The following MYO6 variants were observed in gnomAD, a reference collection of about 807,000 sequenced individuals.
The protein encoded by MYO6 is myosin VI.
MYO6 carries 74 observed loss-of-function variants against 178.7 expected under a neutral mutation model. The observed-to-expected ratio is 0.41, with a 90% CI of 0.34 to 0.50. The LOEUF (loss-of-function observed/expected upper bound fraction) is 0.50, where lower values mean the gene tolerates loss of function less well. Ranked by LOEUF, MYO6 falls within the 20% of genes least tolerant of loss-of-function variation. MYO6 has a pLI of 0.09. For missense variants in MYO6, 1,330 were observed against 1,547.4 expected (o/e 0.86, Z 2.36); for synonymous variants, 477 against 504.6 (o/e 0.95, Z 0.73).
chr6:75,797,720 G>A (rs529475563), intron 1 of MYO6, among the ~76,000 whole-genome samples: 2 of 152,104 alleles, frequency 1.3e-5, no homozygotes, highest in Non-Finnish European at 2.9e-5. Flanking sequence ...TTTTAGTAGG[G>A]ACGAGGTTTC....
chr6:75,865,514 C>G (rs899359370), intron 16 of MYO6, among the ~76,000 whole-genome samples: 1 of 151,576 alleles, frequency 6.6e-6, no homozygotes, highest in Non-Finnish European at 1.5e-5. Context: ...CAGGCCTGCT[C>G]CACCATGCCT....
intron 11 of MYO6, among the ~76,000 whole-genome samples, chr6:75,851,933 T>G (rs989037440): frequency 6.6e-6 from 1 of 152,186 alleles, no homozygotes; most frequent in Non-Finnish European, 1.5e-5. Context: ...AGTTTTTGCA[T>G]GATGAAAATG....
At chr6:75,913,878 C>G (rs547580708) in intron 33 of MYO6, among the ~76,000 whole-genome samples, 185 bp from the exon 34 acceptor site, 10 of 152,170 alleles carry the variant, frequency 6.6e-5, no homozygotes, top group Admixed American at 5.2e-4. Context: ...AAGGGAAAGA[C>G]AATTCTAAGA....
At chr6:75,905,422 C>A (rs572215368) in intron 30 of MYO6, among the ~76,000 whole-genome samples, 4 of 152,218 alleles carry the variant, frequency 2.6e-5, no homozygotes, top group Non-Finnish European at 4.4e-5. Context: ...TCTCCTGGTG[C>A]GCCATTTTTT....
intron 2 of MYO6, 53 bp downstream of exon 2, chr6:75,817,717 T>C: frequency 2.0e-6 from 3 of 1,493,806 alleles, no homozygotes; most frequent in Non-Finnish European, 2.8e-6. Context: ...AATAGGTGTT[T>C]TTTTTCACAA....
In MYO6 at chr6:75,857,179, G is replaced by GTAAACAGAGTAAATCAGTGTTTTCC. The variant is rs1290381013; in HGVS notation, c.1308_1332dup (p.Phe445LysfsTer10). 6.2e-7 allele frequency: 1 copy of GTAAACAGAGTAAATCAGTGTTTTCC among 1,613,792 alleles called. No individual in the cohort carries two copies. The stretch of plus-strand genomic sequence containing the variant: ...GTATAGCCATCTTTTTGATCATGTG[G>GTAAACAGAGTAAATCAGTGTTTTCC]TAAACAGAGTAAATCAGTGTTTTCC... On this transcript the variant is annotated frameshift_variant, in exon 13 of 35. Coordinates refer to ENST00000369977, the MANE Select transcript of MYO6 (RefSeq NM_004999.4). LOFTEE classifies it high-confidence loss of function.
At chr6:75,770,048 T>G (rs1583019654) in intron 1 of MYO6, among the ~76,000 whole-genome samples, 2 of 152,310 alleles carry the variant, frequency 1.3e-5, no homozygotes, top group South Asian at 4.1e-4. Context: ...GGGGACTCTG[T>G]GGGGGCTCAG....
intron 20 of MYO6, among the ~76,000 whole-genome samples, chr6:75,878,245 A>G (rs1777730521): frequency 6.6e-6 from 1 of 152,092 alleles, no homozygotes; most frequent in South Asian, 2.1e-4. Context: ...GCTCTGCTTT[A>G]TTCTTTTAAA....
chr6:75,869,069 C>CTTTTTTT (rs1583317292), intron 18 of MYO6, among the ~76,000 whole-genome samples: 1 of 88,790 alleles, frequency 1.1e-5, no homozygotes, highest in Non-Finnish European at 2.4e-5. Context: ...ACTTTATCTC[C>CTTTTTTT]ATTTTTTTTT....
At chr6:75,848,828 G>A (rs1334607047) in intron 11 of MYO6, among the ~76,000 whole-genome samples, 1 of 151,994 alleles carries the variant, frequency 6.6e-6, no homozygotes, top group Non-Finnish European at 1.5e-5. Context: ...AAATTTTCCA[G>A]TTATATTACA....
chr6:75,785,022 A>G (rs955153428), intron 1 of MYO6, among the ~76,000 whole-genome samples: 2 of 152,172 alleles, frequency 1.3e-5, no homozygotes, highest in South Asian at 2.1e-4. Flanking sequence ...ATGGATTTAT[A>G]TAGTGTTTTT....
rs141845119 is a variant in MYO6, at chr6:75,890,234, C to T, written c.2836C>T (p.Arg946Cys). The change falls in exon 26 of 35, where the codon CGT becomes TGT. Residue 946 changes from arginine (R) to cysteine (C), a missense_variant. Arg to Cys is a radical substitution (Grantham distance 180, BLOSUM62 -3). This residue lies in a region of MYO6 where 601 missense variants were observed against 626.1 expected (regional missense o/e 0.96). Transcript: ENST00000369977. ...AAAAAGACGTGAAGAAGACGAAAAA[C>T]GTCGAAGAAAGGAAGAGGAGGAAAG... ...ERKRREEDEK[R>C]RRKEEEERRM... 4.8e-4 allele frequency: 776 copies of T among 1,612,356 alleles called. 1 individual carries two copies. The highest frequency in any genetic ancestry group is 1.3e-3 in the South Asian group (115 of 91,034).
At chr6:75,756,514 G>T (rs962173333) in intron 1 of MYO6, among the ~76,000 whole-genome samples, 4 of 152,014 alleles carry the variant, frequency 2.6e-5, no homozygotes, top group Admixed American at 1.3e-4. Flanking sequence ...TGTATTTGTA[G>T]TAGAGGTGGG....
Position 75,832,964 on chromosome 6 carries a change from C to G in MYO6, c.497+17C>G. ...TGTTCTAAGGTGAGTATTCAGCTAACTTGAAGTATTTGAGTAGGTTGATCT... is the reference window on the plus strand; with the variant it reads ...TGTTCTAAGGTGAGTATTCAGCTAAGTTGAAGTATTTGAGTAGGTTGATCT... On this transcript the variant is annotated intron_variant, in intron 6 of 34. Transcript: ENST00000369977. 1 of 1,542,350 alleles carries G rather than the reference C, an allele frequency of 6.5e-7. No individual in the cohort carries two copies. The highest frequency in any genetic ancestry group is 9.0e-7 in the Non-Finnish European group (1 of 1,114,882).
intron 3 of MYO6, among the ~76,000 whole-genome samples, chr6:75,828,241 C>G (rs567951062): frequency 6.6e-6 from 1 of 152,218 alleles, no homozygotes; most frequent in Non-Finnish European, 1.5e-5. Flanking sequence ...TATTGTAGTA[C>G]TTTTTTCCCT....
rs1428279561 is a variant in MYO6, at chr6:75,767,788, A to G, written c.-48+18365A>G. On this transcript the variant is annotated intron_variant, in intron 1 of 34. Transcript: ENST00000369977. ...TGCCTTGGCCTCCCAAAGTGCTGGG[A>G]CTTCAGGTGTGAGCCATTGCCCCTG... 2.0e-5 allele frequency among the ~76,000 whole-genome samples: 3 copies of G among 152,052 alleles called. No individual in the cohort carries two copies. In the East Asian group the frequency reaches 5.8e-4, roughly 29 times the overall value.
chr6:75,820,699 A>T (rs1322550), intron 2 of MYO6, among the ~76,000 whole-genome samples: 1 of 151,974 alleles, frequency 6.6e-6, no homozygotes, highest in African/African-American at 2.4e-5. Flanking sequence ...CTTAGAAACT[A>T]CTTATTTTTC....
chr6:75,808,711 G>A (rs1770360002), intron 1 of MYO6, among the ~76,000 whole-genome samples: 1 of 152,188 alleles, frequency 6.6e-6, no homozygotes, highest in Non-Finnish European at 1.5e-5. Flanking sequence ...GAAAGGTTAA[G>A]GATGCACCTG....
intron 18 of MYO6, among the ~76,000 whole-genome samples, chr6:75,868,275 CATT>C (rs1776857784): frequency 6.6e-6 from 1 of 151,478 alleles, no homozygotes; most frequent in Non-Finnish European, 1.5e-5. Flanking sequence ...AAGTTATATT[CATT>C]ATTATGAGTT....
Sources: gnomAD v4.1 joint callset for allele counts (sites outside exome capture counted in the v4.1 genomes callset) on GRCh38, gnomAD v4.1.1 for gene constraint, gnomAD v4.1.1 regional missense constraint, MANE v1.5 for transcripts, NCBI Gene and HGNC (gene_info 2026-07-23, HGNC 2026-07-21) for gene names.